Variants in AKR1C8 observed in about 807,000 individuals in gnomAD.
AKR1C8 encodes the protein aldo-keto reductase family 1 member C-like protein 1.
the AKR1C8 span, among the ~76,000 whole-genome samples, chr10:5,119,090 A>C: frequency 6.6e-6 from 1 of 152,178 alleles, no homozygotes; most frequent in Non-Finnish European, 1.5e-5. Context: ...TTCATTCATA[A>C]TCTACATCCT....
chr10:5,154,893 G>A, the AKR1C8 span: 2 of 152,182 alleles, frequency 1.3e-5, no homozygotes, highest in African/African-American at 4.8e-5. Flanking sequence ...CTCCAGAGGT[G>A]GACTTCAGGT....
the AKR1C8 span, among the ~76,000 whole-genome samples, chr10:5,120,254 T>C: frequency 6.6e-6 from 1 of 152,198 alleles, no homozygotes; most frequent in South Asian, 2.1e-4. Context: ...TATCACTGGC[T>C]TACTGTCGAT....
chr10:5,140,826 G>A, the AKR1C8 span, among the ~76,000 whole-genome samples: 13 of 131,208 alleles, frequency 9.9e-5, no homozygotes, highest in African/African-American at 3.8e-4. Flanking sequence ...AGAACTTAAA[G>A]TATAATTTAA....
the AKR1C8 span, among the ~76,000 whole-genome samples, chr10:5,124,313 T>A: frequency 6.6e-6 from 1 of 152,198 alleles, no homozygotes; most frequent in Non-Finnish European, 1.5e-5. Context: ...CATGGGTTCA[T>A]AGTCATGAGA....
chr10:5,181,006 ACT>A, the AKR1C8 span, among the ~76,000 whole-genome samples: 4 of 152,148 alleles, frequency 2.6e-5, no homozygotes, highest in African/African-American at 9.7e-5. Flanking sequence ...TCCTGTGCCC[ACT>A]GTCTGGCACT....
the AKR1C8 span, among the ~76,000 whole-genome samples, chr10:5,175,509 T>A: frequency 1.3e-5 from 2 of 152,140 alleles, no homozygotes; most frequent in African/African-American, 2.4e-5. Context: ...GATGGCTAGG[T>A]CAAATGGTAT....
the AKR1C8 span, among the ~76,000 whole-genome samples, chr10:5,122,858 A>T: frequency 6.6e-6 from 1 of 152,248 alleles, no homozygotes; most frequent in South Asian, 2.1e-4. Context: ...AAAAATACCC[A>T]AAGACTTTAA....
the AKR1C8 span, among the ~76,000 whole-genome samples, chr10:5,146,151 G>C: frequency 7.0e-6 from 1 of 143,756 alleles, no homozygotes; most frequent in Non-Finnish European, 1.5e-5. Flanking sequence ...TGAACAATGA[G>C]GTCACATGGA....
At chr10:5,173,964 C>A in the AKR1C8 span, among the ~76,000 whole-genome samples, 2 of 151,992 alleles carry the variant, frequency 1.3e-5, no homozygotes, top group African/African-American at 4.8e-5. Flanking sequence ...ACCTGAGACT[C>A]CTTTGGAAAT....
At chr10:5,128,269 A>ATGCTAT in the AKR1C8 span, among the ~76,000 whole-genome samples, 1 of 152,180 alleles carries the variant, frequency 6.6e-6, no homozygotes, top group Non-Finnish European at 1.5e-5. Context: ...TCTACAAGGC[A>ATGCTAT]TGCTATAAGG....
the AKR1C8 span, chr10:5,160,742 C>G: frequency 1.1e-5 from 5 of 455,624 alleles, no homozygotes; most frequent in African/African-American, 8.1e-5. Flanking sequence ...AATCCCATCT[C>G]TTCTGACCCC....
the AKR1C8 span, among the ~76,000 whole-genome samples, chr10:5,152,202 A>C: frequency 6.6e-6 from 1 of 152,188 alleles, no homozygotes; most frequent in Admixed American, 6.5e-5. Flanking sequence ...ATTTAGTGCA[A>C]ATTACAGAAA....
the AKR1C8 span, among the ~76,000 whole-genome samples, chr10:5,125,156 T>C: frequency 6.6e-6 from 1 of 152,172 alleles, no homozygotes; most frequent in East Asian, 1.9e-4. Flanking sequence ...TTAGGTATAC[T>C]TTTGGTACTT....
chr10:5,123,202 G>C, the AKR1C8 span: 1 of 169,672 alleles, frequency 5.9e-6, no homozygotes, highest in African/African-American at 2.4e-5. Context: ...ACAGTATCCT[G>C]TTCTCACCTT....
the AKR1C8 span, chr10:5,132,676 G>T: frequency 6.3e-7 from 1 of 1,592,148 alleles, no homozygotes; most frequent in Non-Finnish European, 8.6e-7. Flanking sequence ...AGTCCAACCT[G>T]CTCCTCATTA....
chr10:5,171,149 T>C, the AKR1C8 span, among the ~76,000 whole-genome samples: 2 of 152,154 alleles, frequency 1.3e-5, no homozygotes, highest in South Asian at 4.1e-4. Flanking sequence ...TTTTCCTCTA[T>C]TTTGATGTTA....
the AKR1C8 span, among the ~76,000 whole-genome samples, chr10:5,142,326 C>G: frequency 6.6e-6 from 1 of 152,088 alleles, no homozygotes; most frequent in Non-Finnish European, 1.5e-5. Flanking sequence ...AGTAGTAAAG[C>G]TTGTTTTGCA....
At chr10:5,145,357 C>A in the AKR1C8 span, among the ~76,000 whole-genome samples, 227 of 151,996 alleles carry the variant, frequency 1.5e-3, no homozygotes, top group Middle Eastern at 3.4e-3. Flanking sequence ...GGATCTAATT[C>A]AACTAAAGAG....
the AKR1C8 span, among the ~76,000 whole-genome samples, chr10:5,183,957 C>T: frequency 6.6e-6 from 1 of 152,206 alleles, no homozygotes; most frequent in Non-Finnish European, 1.5e-5. Flanking sequence ...AGGAAAGTCT[C>T]TTTTTCTTTT....
Sources: allele counts gnomAD v4.1 joint callset (sites outside exome capture counted in the v4.1 genomes callset), GRCh38; gene constraint gnomAD v4.1.1; transcripts MANE v1.5; gene names NCBI Gene and HGNC (gene_info 2026-07-23, HGNC 2026-07-21).